The following NPSR1 variants were observed in gnomAD, a reference collection of about 807,000 sequenced individuals.
NPSR1 encodes the protein neuropeptide S receptor.
In NPSR1, 48 loss-of-function variants were observed where a neutral mutation model predicts 46.9. That is an observed-to-expected ratio of 1.02 (90% CI 0.81 to 1.30). NPSR1 has a LOEUF of 1.30. NPSR1 is among the 50% of genes most tolerant of loss of function. The pLI is 0.00. For synonymous variants in NPSR1, 176 were observed against 168.1 expected, an observed-to-expected ratio of 1.05 and a Z score of -0.36; for missense variants, 450 against 449.5, an observed-to-expected ratio of 1.00 and a Z score of -0.01.
At chr7:34,806,536 G>A (rs1271739265) in intron 3 of NPSR1, among the ~76,000 whole-genome samples, 9 of 152,136 alleles carry the variant, frequency 5.9e-5, no homozygotes, top group Admixed American at 5.9e-4. Flanking sequence ...GATAAAAGCA[G>A]TGGATTTTTA....
chr7:34,773,291 G>A (rs1038469734), intron 2 of NPSR1, among the ~76,000 whole-genome samples: 1 of 152,086 alleles, frequency 6.6e-6, no homozygotes, highest in Non-Finnish European at 1.5e-5. Context: ...GTTCATTCTA[G>A]GGCTCTAAAA....
chr7:34,743,117 A>C (rs1254387645), intron 2 of NPSR1, among the ~76,000 whole-genome samples: 1 of 152,148 alleles, frequency 6.6e-6, no homozygotes, highest in Non-Finnish European at 1.5e-5. Flanking sequence ...TACTCTGTTG[A>C]TAGTTTCTTT....
chr7:34,807,950 C>T (rs1245816679), intron 3 of NPSR1, among the ~76,000 whole-genome samples: 1 of 143,452 alleles, frequency 7.0e-6, no homozygotes, highest in African/African-American at 2.5e-5. Context: ...TGTGATGTTA[C>T]CTTATATAAG....
At chr7:34,729,169 G>T (rs900817973) in intron 2 of NPSR1, among the ~76,000 whole-genome samples, 4 of 152,114 alleles carry the variant, frequency 2.6e-5, no homozygotes, top group Non-Finnish European at 4.4e-5. Flanking sequence ...ACCTCACAAA[G>T]GGTACTTGCA....
chr7:34,790,644 T>G (rs75901712), intron 3 of NPSR1, among the ~76,000 whole-genome samples: 1 of 136,676 alleles, frequency 7.3e-6, no homozygotes, highest in Admixed American at 7.5e-5. Context: ...AATTTATATA[T>G]AATATGTATT....
intron 1 of NPSR1, among the ~76,000 whole-genome samples, chr7:34,668,934 G>A (rs1458540): frequency 0.13 from 20,077 of 152,048 alleles, 1,461 homozygotes; most frequent in African/African-American, 0.19. Flanking sequence ...CTTGGTGCTC[G>A]GTAATGTCTA....
chr7:34,665,645 T>C (rs531234550), intron 1 of NPSR1, among the ~76,000 whole-genome samples: 70 of 152,334 alleles, frequency 4.6e-4, no homozygotes, highest in Non-Finnish European at 8.7e-4. Context: ...TCTTCTGATA[T>C]CACGCTAACC....
chr7:34,784,518 A>C (rs1483258499), intron 3 of NPSR1, among the ~76,000 whole-genome samples: 1 of 152,172 alleles, frequency 6.6e-6, no homozygotes, highest in Non-Finnish European at 1.5e-5. Context: ...CCAGCCTTGC[A>C]TGCCAGGGAT....
intron 2 of NPSR1, among the ~76,000 whole-genome samples, chr7:34,744,823 C>T (rs1348840035): frequency 6.6e-6 from 1 of 152,116 alleles, no homozygotes; most frequent in Non-Finnish European, 1.5e-5. Context: ...GTACAGTTGG[C>T]CCTTTGTATC....
At chr7:34,723,080 A>T (rs1783945841) in intron 2 of NPSR1, among the ~76,000 whole-genome samples, 1 of 152,160 alleles carries the variant, frequency 6.6e-6, no homozygotes, top group African/African-American at 2.4e-5. Context: ...CTGTGAACAA[A>T]TTAAGCCAGA....
intron 2 of NPSR1, chr7:34,750,862 T>C (rs1312184522): frequency 5.7e-6 from 4 of 700,030 alleles, no homozygotes; most frequent in Non-Finnish European, 1.1e-5. Context: ...TTGTCTTTGG[T>C]GATGATGTAG....
At chr7:34,733,676 C>T (rs1784540290) in intron 2 of NPSR1, among the ~76,000 whole-genome samples, 1 of 152,090 alleles carries the variant, frequency 6.6e-6, no homozygotes, top group Non-Finnish European at 1.5e-5. Flanking sequence ...AGATGTAATG[C>T]AATATTTTTG....
At chr7:34,733,579 G>A (rs993563953) in intron 2 of NPSR1, among the ~76,000 whole-genome samples, 6 of 152,220 alleles carry the variant, frequency 3.9e-5, no homozygotes, top group East Asian at 3.9e-4. Flanking sequence ...GTGAAGAGAC[G>A]GCTTTTCATG....
At chr7:34,832,058 G>T (rs994453298) in intron 5 of NPSR1, among the ~76,000 whole-genome samples, 9 of 152,130 alleles carry the variant, frequency 5.9e-5, no homozygotes, top group Non-Finnish European at 1.0e-4. Context: ...TAAGGTCCAA[G>T]GTCAAAGAGG....
chr7:34,680,904 A>T (rs369004544), intron 1 of NPSR1, among the ~76,000 whole-genome samples: 1 of 151,676 alleles, frequency 6.6e-6, no homozygotes, highest in East Asian at 1.9e-4. Flanking sequence ...AGAGTTTTAC[A>T]TGGGGCACAG....
intron 5 of NPSR1, among the ~76,000 whole-genome samples, chr7:34,830,379 G>GT (rs1379771247): frequency 6.6e-6 from 1 of 151,878 alleles, no homozygotes; most frequent in African/African-American, 2.4e-5. Context: ...TATCTTAGTT[G>GT]TTTTATTTTG....
At chr7:34,745,578 G>C (rs1682045853) in intron 2 of NPSR1, among the ~76,000 whole-genome samples, 1 of 152,080 alleles carries the variant, frequency 6.6e-6, no homozygotes, top group Non-Finnish European at 1.5e-5. Context: ...AAGTGCACTG[G>C]CATGATCACA....
At chr7:34,663,045 C>CAA (rs1791538194) in intron 1 of NPSR1, among the ~76,000 whole-genome samples, 1 of 117,314 alleles carries the variant, frequency 8.5e-6, no homozygotes, top group Non-Finnish European at 1.7e-5. Context: ...GTGCATTTCT[C>CAA]TCTCTCTCTC....
intron 6 of NPSR1, among the ~76,000 whole-genome samples, chr7:34,840,826 G>A (rs913360999): frequency 1.3e-5 from 2 of 152,114 alleles, no homozygotes; most frequent in African/African-American, 2.4e-5. Flanking sequence ...AGGCACAGGC[G>A]GTGGCCTGGG....
Sources: allele counts gnomAD v4.1 joint callset (sites outside exome capture counted in the v4.1 genomes callset), GRCh38; gene constraint gnomAD v4.1.1; transcripts MANE v1.5; gene names NCBI Gene and HGNC (gene_info 2026-07-23, HGNC 2026-07-21).